Variants in ITGA5 observed in about 807,000 individuals in gnomAD.
The protein encoded by ITGA5 is integrin alpha-5.
ITGA5 carries 55 observed loss-of-function variants against 146.3 expected under a neutral mutation model. The observed-to-expected ratio is 0.38, with a 90% CI of 0.30 to 0.47. The LOEUF (loss-of-function observed/expected upper bound fraction) is 0.47. ITGA5 is among the 20% of genes least tolerant of loss of function. ITGA5 has a pLI of 0.99. For missense variants in ITGA5, 1,131 were observed against 1,329.0 expected (o/e 0.85, Z 2.32); for synonymous variants, 500 against 531.8 (o/e 0.94, Z 0.82).
At chr12:54,415,923 C>G (rs1956002094) in intron 1 of ITGA5, among the ~76,000 whole-genome samples, 2 of 152,210 alleles carry the variant, frequency 1.3e-5, no homozygotes, top group Non-Finnish European at 2.9e-5. Context: ...TTTCAAGTGT[C>G]CTGGGCCAAG....
intron 1 of ITGA5, among the ~76,000 whole-genome samples, chr12:54,412,717 A>G (rs1955962595): frequency 1.3e-5 from 2 of 152,102 alleles, no homozygotes; most frequent in African/African-American, 2.4e-5. Flanking sequence ...TCCCCCTGAT[A>G]TGAGGGGAAG....
At position 54,399,691 on chromosome 12, in the gene ITGA5, T is replaced by C; in HGVS notation, c.2795A>G (p.Gln932Arg). ...GACTCGGAAATGCAACTGCAGACTTTGGCTCTCTTGTTGGTGCAGGGGCCC... is the reference window on the plus strand; with the variant it reads ...GACTCGGAAATGCAACTGCAGACTTCGGCTCTCTTGTTGGTGCAGGGGCCC... ...ELGPLHQQES[Q>R]SLQLHFRVWA... Residue 932 changes from glutamine (Q) to arginine (R), a missense_variant, in exon 27 of 30, where the codon CAA becomes CGA. Gln to Arg is a conservative substitution (Grantham distance 43, BLOSUM62 1). Coordinates refer to ENST00000293379, the MANE Select transcript of ITGA5 (RefSeq NM_002205.5). 6.2e-7 allele frequency: 1 copy of C among 1,614,204 alleles called. No individual in the cohort carries two copies. Among genetic ancestry groups the C allele is most frequent in the South Asian group, 1.1e-5 (1 of 91,090 alleles).
rs1238523182 is a variant in ITGA5, at chr12:54,411,946, T to C, written c.237A>G (p.Gly79=). ...GCTGGCTGGTATTAGCCTTGGGTGC[T>C]CCCACCAGCACACTGACCCTGTGGG... The part of the protein sequence containing the change: ...PGTDGVSVLV[G]APKANTSQPG... The change falls in exon 2 of 30, where the codon GGA becomes GGG. Residue 79 remains glycine, a synonymous_variant. Coordinates refer to ENST00000293379, the MANE Select transcript of ITGA5 (RefSeq NM_002205.5). 6.3e-7 allele frequency: 1 copy of C among 1,599,606 alleles called. No individual in the cohort carries two copies. The highest frequency in any genetic ancestry group is 8.5e-7 in the Non-Finnish European group (1 of 1,172,574).
rs758515446 is a variant in ITGA5, at chr12:54,398,650, G to A, written c.2890C>T (p.Leu964=). The A allele has an allele frequency of 5.0e-6, 8 of 1,610,844 alleles. No individual in the cohort carries two copies. The highest frequency in any genetic ancestry group is 2.2e-5 in the East Asian group (1 of 44,608). ...GGCAGGATTCGGTAGGGCATCTTCA[G>A]GGCTTTGTACACAGCCTCACACTGC... ...SLQCEAVYKA[L]KMPYRILPRQ... The change falls in exon 28 of 30, where the codon CTG becomes TTG. Residue 964 remains leucine (L), a synonymous_variant. Coordinates refer to ENST00000293379, the MANE Select transcript of ITGA5 (RefSeq NM_002205.5).
chr12:54,405,646 T>C lies in ITGA5; in HGVS notation c.1016+18A>G, dbSNP rs770849290. ...GTTCTGGGAGGGTATCACAGTGCGC[T>C]CATTTCCCACCACTCACCCGTCCCC... is the stretch of plus-strand genomic sequence containing the variant. On this transcript the variant is annotated intron_variant, in intron 11 of 29. Coordinates refer to ENST00000293379, the MANE Select transcript of ITGA5 (RefSeq NM_002205.5). 1 of 1,607,092 alleles carries C rather than the reference T, an allele frequency of 6.2e-7. No individual in the cohort carries two copies. Among genetic ancestry groups the C allele is most frequent in the South Asian group, 1.1e-5 (1 of 90,840 alleles).
rs752692825 is a variant in ITGA5 at position 54,399,635 on chromosome 12, G to A, written c.2841+10C>T. 6.2e-7 allele frequency: 1 copy of A among 1,600,108 alleles called. No homozygotes were observed. ...GGTCAGGGGTCAGGGCTGAGGTAAGGCTCCCTCACCTGCAAGAAAGTCTTG... is the reference window on the plus strand; with the variant it reads ...GGTCAGGGGTCAGGGCTGAGGTAAGACTCCCTCACCTGCAAGAAAGTCTTG... On this transcript the variant is annotated intron_variant, in intron 27 of 29. Transcript: ENST00000293379.
rs1955851676 is a variant in ITGA5, at chr12:54,405,392, C to T, written c.1017-18G>A. The T allele has an allele frequency of 2.5e-6, 4 of 1,577,794 alleles. No individual in the cohort carries two copies. The highest frequency in any genetic ancestry group is 3.5e-6 in the Non-Finnish European group (4 of 1,158,184). The stretch of plus-strand genomic sequence containing the variant: ...CATCCAGCCTGAGGGGAAGGGCAAA[C>T]CCAGGCATCTCGATACCCTGTCTTG... On this transcript the variant is annotated intron_variant, in intron 11 of 29. Transcript: ENST00000293379.
chr12:54,406,037 C>T (rs1955862435), intron 9 of ITGA5, 111 bp from the exon 10 acceptor site: 1 of 916,554 alleles, frequency 1.1e-6, no homozygotes, highest in Non-Finnish European at 1.8e-6. Context: ...GAGACGCAGA[C>T]CACTGTCCCT....
chr12:54,414,829 G>C (rs116161094), intron 1 of ITGA5, among the ~76,000 whole-genome samples: 1,902 of 148,244 alleles, frequency 0.013, 106 homozygotes, highest in African/African-American at 0.046. Context: ...TCCAGAGACA[G>C]AGCGAGACTC....
chr12:54,411,811 C>G lies in ITGA5; in HGVS notation c.349+23G>C, dbSNP rs1282950254. On this transcript the variant is annotated intron_variant, in intron 2 of 29. Coordinates refer to ENST00000293379, the MANE Select transcript of ITGA5 (RefSeq NM_002205.5). ...AGGCTGCAGTCCCACCCCCCAGTCC[C>G]TCCCTGAATTTCACTGGCCTACCTT... is the stretch of plus-strand genomic sequence containing the variant. 4 of 1,482,962 alleles carry G rather than the reference C, an allele frequency of 2.7e-6. No individual in the cohort carries two copies. The Admixed American group carries it at 8.9e-5, about 33-fold the overall frequency. 91.9% of individuals were successfully genotyped at this position (1,482,962 alleles called of 1,614,324 possible).
intron 1 of ITGA5, among the ~76,000 whole-genome samples, chr12:54,414,795 C>A (rs1024741647): frequency 6.7e-6 from 1 of 149,792 alleles, no homozygotes; most frequent in African/African-American, 2.5e-5. Context: ...TGCAGGGAGC[C>A]GAGATCACGC....
rs751301426 is a variant in ITGA5, at chr12:54,414,804, G to A, written c.219-2840C>T. ...GGAGCTTGCAGGGAGCCGAGATCAC[G>A]CCACTACACTCCAGTCCAGAGACAG... On this transcript the variant is annotated intron_variant, in intron 1 of 29. Transcript: ENST00000293379. 5.3e-5 allele frequency among the ~76,000 whole-genome samples: 8 copies of A among 150,010 alleles called. 1 individual carries two copies. Among genetic ancestry groups the A allele is most frequent in the African/African-American group, 1.5e-4 (6 of 40,358 alleles).
chr12:54,404,971 C>T (rs1955843914), intron 12 of ITGA5, 77 bp from the exon 13 acceptor site: 5 of 1,293,592 alleles, frequency 3.9e-6, no homozygotes, highest in Non-Finnish European at 5.3e-6. Flanking sequence ...GACCCCAGGA[C>T]CTAGGATCCT....
intron 13 of ITGA5, 40 bp from the exon 14 acceptor site, chr12:54,404,515 A>G (rs1565641043): frequency 6.2e-7 from 1 of 1,611,190 alleles, no homozygotes; most frequent in Non-Finnish European, 8.5e-7. Context: ...AGCAAGCCCC[A>G]GATCAGGATC....
rs1489846485 is a variant in ITGA5 at position 54,395,490 on chromosome 12, G to A, written c.*803C>T. 6.5e-6 allele frequency: 1 copy of A among 152,684 alleles called. No individual in the cohort carries two copies. Among genetic ancestry groups the A allele is most frequent in the Non-Finnish European group, 1.5e-5 (1 of 68,056 alleles). 9.5% of individuals were successfully genotyped at this position (152,684 alleles called of 1,614,324 possible). A position where few individuals can be genotyped will look rare whatever the true frequency, so the allele number is the denominator to read the frequency against. ...TGTGTCTGGCCAGGCTGAGGTTCCA[G>A]ATCTGTTGCCATCATGGCCCCTTCA... On this transcript the variant is annotated 3_prime_UTR_variant, in exon 30 of 30. Coordinates refer to ENST00000293379, the MANE Select transcript of ITGA5 (RefSeq NM_002205.5).
intron 6 of ITGA5, 125 bp from the exon 7 acceptor site, chr12:54,408,360 G>T: frequency 9.4e-7 from 1 of 1,061,984 alleles, no homozygotes; most frequent in Non-Finnish European, 1.4e-6. Flanking sequence ...GGAGGGTGGT[G>T]GCATGTAAGC....
chr12:54,397,549 C>G lies in ITGA5; in HGVS notation c.2944-62G>C. On this transcript the variant is annotated intron_variant, in intron 28 of 29. Coordinates refer to ENST00000293379, the MANE Select transcript of ITGA5 (RefSeq NM_002205.5). ...GAAGTTCTTTCTACCCTATACTTGG[C>G]CCCCACTTGTCATTGGATCTGCAGA... is the stretch of plus-strand genomic sequence containing the variant. 6 of 1,595,440 alleles carry G rather than the reference C, an allele frequency of 3.8e-6. No homozygotes were observed. The East Asian group carries it at 9.0e-5, about 24-fold the overall frequency.
At position 54,399,497 on chromosome 12, in the gene ITGA5, G is replaced by A. The variant is rs1955759474; in HGVS notation, c.2841+148C>T. 4.7e-6 allele frequency: 3 copies of A among 636,894 alleles called. No homozygotes were observed. The East Asian group carries it at 8.3e-5, about 18-fold the overall frequency. 39.5% of individuals were successfully genotyped at this position (636,894 alleles called of 1,614,324 possible). A position where few individuals can be genotyped will look rare whatever the true frequency, so the allele number is the denominator to read the frequency against. On this transcript the variant is annotated intron_variant, in intron 27 of 29. Coordinates refer to ENST00000293379, the MANE Select transcript of ITGA5 (RefSeq NM_002205.5). ...CACTAGATGGCGCCAAGGACATACA[G>A]CCTGGTCTAGACAAGGGCAAGGAAG...
chr12:54,403,372 T>C lies in ITGA5; in HGVS notation c.1777-48A>G. 6.7e-7 allele frequency: 1 copy of C among 1,490,968 alleles called. No individual in the cohort carries two copies. Among genetic ancestry groups the C allele is most frequent in the Non-Finnish European group, 8.9e-7 (1 of 1,118,056 alleles). 92.4% of individuals were successfully genotyped at this position (1,490,968 alleles called of 1,614,324 possible). On this transcript the variant is annotated intron_variant, in intron 17 of 29. Coordinates refer to ENST00000293379, the MANE Select transcript of ITGA5 (RefSeq NM_002205.5). The surrounding 1 kb of genome is among the most constrained non-coding windows in gnomAD (Gnocchi z 4.9). ...ACGGAGTCAGGGGACTCTGGAGACTTAGTGGCCCTGCTCCTCAGCCTCTCT... is the reference window on the plus strand; with the variant it reads ...ACGGAGTCAGGGGACTCTGGAGACTCAGTGGCCCTGCTCCTCAGCCTCTCT...
Sources: allele counts gnomAD v4.1 joint callset (sites outside exome capture counted in the v4.1 genomes callset), GRCh38; gene constraint gnomAD v4.1.1; non-coding constraint Gnocchi (gnomAD v3.1); transcripts MANE v1.5; gene names NCBI Gene and HGNC (gene_info 2026-07-23, HGNC 2026-07-21).